PPP2R1B: variants seen among roughly 807,000 people sequenced by gnomAD.
PPP2R1B encodes the protein serine/threonine-protein phosphatase 2A 65 kDa regulatory subunit A beta isoform.
A neutral mutation model predicts 72.7 loss-of-function variants in PPP2R1B; 58 were observed. The observed-to-expected ratio is 0.80, with a 90% CI of 0.65 to 0.99. The LOEUF (loss-of-function observed/expected upper bound fraction) is 0.99. Ranked by LOEUF, PPP2R1B falls within the 50% of genes least tolerant of loss-of-function variation. PPP2R1B has a pLI of 0.00. For synonymous variants in PPP2R1B, 256 were observed against 264.6 expected, an observed-to-expected ratio of 0.97 and a Z score of 0.32; for missense variants, 695 against 733.6, an observed-to-expected ratio of 0.95 and a Z score of 0.61.
At chr11:111,720,457 C>T in the PPP2R1B span, 5 of 1,573,602 alleles carry the variant, frequency 3.2e-6, no homozygotes, top group Admixed American at 5.5e-5. Context: ...TTGGTTTTAT[C>T]TGTTCTGTTT....
chr11:111,762,859 C>T (rs1362638143), intron 3 of PPP2R1B, among the ~76,000 whole-genome samples: 1 of 152,126 alleles, frequency 6.6e-6, no homozygotes, highest in Non-Finnish European at 1.5e-5. Flanking sequence ...AGTTTTGAAC[C>T]CAGCCTGTTT....
At chr11:111,724,644 A>G (rs926412174), downstream of PPP2R1B, 1 of 158,258 alleles carries the variant, frequency 6.3e-6, no homozygotes, top group Non-Finnish European at 1.4e-5. Flanking sequence ...TTGTCATTGA[A>G]TCCTAAGTTC....
chr11:111,724,803 G>C (rs1591652952), downstream of PPP2R1B: 1 of 152,486 alleles, frequency 6.6e-6, no homozygotes, highest in African/African-American at 2.4e-5. Flanking sequence ...CCTTCAGAAG[G>C]TGCCCTGGGT....
chr11:111,727,860 C>T (rs1944026375), intron 15 of PPP2R1B: 1 of 152,250 alleles, frequency 6.6e-6, no homozygotes, highest in Non-Finnish European at 1.5e-5. Context: ...GATGCAAGGA[C>T]ACAGTGAGTG....
rs868909661 is a variant in PPP2R1B at position 111,765,482 on chromosome 11, G to C, written c.115-98C>G. On this transcript the variant is annotated intron_variant, in intron 1 of 14. Coordinates refer to ENST00000527614, the MANE Select transcript of PPP2R1B (RefSeq NM_002716.5). ...TAACAGGTGAAATTATGACACAGGG[G>C]TAAGAATGAAGATAACCTTTCATTT... The C allele has an allele frequency of 1.0e-4, 97 of 951,920 alleles. 1 individual carries two copies. In the Middle Eastern group the frequency reaches 3.5e-3, roughly 34 times the overall value. The allele number at this position is 951,920 out of a possible 1,614,324, so 59.0% of individuals were successfully genotyped here.
chr11:111,697,137 A>T, the PPP2R1B span, among the ~76,000 whole-genome samples: 3 of 152,240 alleles, frequency 2.0e-5, no homozygotes, highest in African/African-American at 7.2e-5. Context: ...TTTCTATTCC[A>T]CTGCTGCAAC....
At chr11:111,720,914 G>A in the PPP2R1B span, 1 of 1,613,784 alleles carries the variant, frequency 6.2e-7, no homozygotes, top group Non-Finnish European at 8.5e-7. Flanking sequence ...GTAGCATTTA[G>A]ACAACATCTT....
the PPP2R1B span, among the ~76,000 whole-genome samples, chr11:111,689,611 C>A: frequency 6.6e-6 from 1 of 152,106 alleles, no homozygotes; most frequent in African/African-American, 2.4e-5. Flanking sequence ...AGGGAGACAT[C>A]CAGATGACAG....
At chr11:111,703,321 C>T in the PPP2R1B span, 26 of 1,614,196 alleles carry the variant, frequency 1.6e-5, no homozygotes, top group Non-Finnish European at 2.2e-5. Context: ...GACCTGTTCT[C>T]TATCCACAAG....
At chr11:111,714,595 A>T in the PPP2R1B span, among the ~76,000 whole-genome samples, 1 of 152,292 alleles carries the variant, frequency 6.6e-6, no homozygotes, top group Admixed American at 6.5e-5. Flanking sequence ...AAATTGATAG[A>T]CTATTAAGGT....
the PPP2R1B span, chr11:111,705,220 G>T: frequency 7.3e-7 from 1 of 1,378,538 alleles, no homozygotes; most frequent in Non-Finnish European, 9.4e-7. This position sits in a 1 kb window ranked among gnomAD's most constrained non-coding sequence, Gnocchi z 4.3. Flanking sequence ...TATACACAGG[G>T]TTAGGATTTC....
At chr11:111,698,144 A>G in the PPP2R1B span, among the ~76,000 whole-genome samples, 1 of 152,234 alleles carries the variant, frequency 6.6e-6, no homozygotes, top group Non-Finnish European at 1.5e-5. Context: ...CCAAGTTTCT[A>G]TATTCATATT....
the PPP2R1B span, chr11:111,712,062 T>C: frequency 2.5e-6 from 2 of 797,312 alleles, no homozygotes; most frequent in Non-Finnish European, 3.9e-6. Context: ...GCACCATGTA[T>C]ATATTTCACT....
chr11:111,726,805 G>C, downstream of PPP2R1B: 1 of 642,364 alleles, frequency 1.6e-6, no homozygotes, highest in Middle Eastern at 4.2e-4. Context: ...CACGTTAGCA[G>C]TGTGTACACT....
chr11:111,728,772 A>C (rs920561934), intron 15 of PPP2R1B: 4 of 152,066 alleles, frequency 2.6e-5, no homozygotes, highest in Non-Finnish European at 4.4e-5. Flanking sequence ...AAAATACAAA[A>C]AATTAGCCGG....
the PPP2R1B span, among the ~76,000 whole-genome samples, chr11:111,719,333 T>C: frequency 1.6e-5 from 2 of 127,850 alleles, no homozygotes; most frequent in South Asian, 2.9e-4. Context: ...GTTGAAAAAA[T>C]AGAAGAATCT....
chr11:111,692,387 A>AC, the PPP2R1B span, among the ~76,000 whole-genome samples: 6 of 113,484 alleles, frequency 5.3e-5, no homozygotes, highest in African/African-American at 1.9e-4. Flanking sequence ...AAAAAAAAAA[A>AC]ACACAAAAAG....
the PPP2R1B span, among the ~76,000 whole-genome samples, chr11:111,708,617 G>A: frequency 4.6e-5 from 7 of 152,032 alleles, no homozygotes; most frequent in South Asian, 1.2e-3. Flanking sequence ...ATGGGGTCTC[G>A]CTGTGTCACC....
At chr11:111,721,187 C>T in the PPP2R1B span, 2 of 1,194,462 alleles carry the variant, frequency 1.7e-6, no homozygotes, top group Non-Finnish European at 2.3e-6. Flanking sequence ...TTTGGGAAAA[C>T]CCACAGCTTC....
Sources: allele counts gnomAD v4.1 joint callset (sites outside exome capture counted in the v4.1 genomes callset), GRCh38; gene constraint gnomAD v4.1.1; non-coding constraint Gnocchi (gnomAD v3.1); transcripts MANE v1.5; gene names NCBI Gene and HGNC (gene_info 2026-07-23, HGNC 2026-07-21).